The following FBXL7 variants were observed in gnomAD, a reference collection of about 807,000 sequenced individuals.
The protein encoded by FBXL7 is F-box and leucine rich repeat protein 7, also known as F-box/LRR-repeat protein 7.
Under a neutral mutation model 38.3 loss-of-function variants are expected in FBXL7, and 12 were observed. The ratio of observed to expected loss-of-function variants is 0.31; its 90% confidence interval spans 0.20 to 0.51. The LOEUF is 0.51. Ranked by LOEUF, FBXL7 falls within the 20% of genes least tolerant of loss-of-function variation. The pLI, the probability that FBXL7 is intolerant of heterozygous loss-of-function variation, is 0.98. For missense variants in FBXL7, 567 were observed against 676.4 expected (o/e 0.84, Z 1.79); for synonymous variants, 297 against 300.9 (o/e 0.99, Z 0.13).
chr5:15,674,981 T>C (rs888452201), intron 2 of FBXL7, among the ~76,000 whole-genome samples: 1 of 152,194 alleles, frequency 6.6e-6, no homozygotes, highest in Non-Finnish European at 1.5e-5. Context: ...GTTATGTGAA[T>C]GAACCTGATA....
intron 2 of FBXL7, among the ~76,000 whole-genome samples, chr5:15,829,824 T>G (rs1183417550): frequency 6.6e-6 from 1 of 152,188 alleles, no homozygotes; most frequent in African/African-American, 2.4e-5. Flanking sequence ...CATTTTGTTA[T>G]TAAAATAATA....
intron 2 of FBXL7, among the ~76,000 whole-genome samples, chr5:15,744,461 T>C (rs1735964647): frequency 6.6e-6 from 1 of 152,144 alleles, no homozygotes; most frequent in African/African-American, 2.4e-5. Flanking sequence ...CATATTACTA[T>C]CAGCATTTTG....
chr5:15,586,669 A>G (rs1739317352), intron 1 of FBXL7, among the ~76,000 whole-genome samples: 1 of 152,164 alleles, frequency 6.6e-6, no homozygotes, highest in African/African-American at 2.4e-5. Flanking sequence ...GGATAGCACC[A>G]TTACACATAT....
Position 15,928,066 on chromosome 5 carries a change from C to A in FBXL7, c.304C>A (p.Arg102=), listed in dbSNP as rs1352971111. 1.2e-6 allele frequency: 2 copies of A among 1,605,166 alleles called. No individual in the cohort carries two copies. The highest frequency in any genetic ancestry group is 8.5e-7 in the Non-Finnish European group (1 of 1,175,534). The part of the protein sequence containing the change: ...PPTRLTHPLI[R]LASRPQKEQA... ...GACCCGCCTCACACACCCGCTCATCCGGCTCGCCTCCAGACCCCAGAAGGA... is the reference window on the plus strand; with the variant it reads ...GACCCGCCTCACACACCCGCTCATCAGGCTCGCCTCCAGACCCCAGAAGGA... Residue 102 remains arginine, a synonymous_variant, in exon 3 of 4, where the codon CGG becomes AGG. Transcript: ENST00000504595. This position sits in a 1 kb window ranked among gnomAD's most constrained non-coding sequence, Gnocchi z 4.0.
chr5:15,602,602 A>G (rs998291346), intron 1 of FBXL7, among the ~76,000 whole-genome samples: 1 of 152,064 alleles, frequency 6.6e-6, no homozygotes, highest in African/African-American at 2.4e-5. Flanking sequence ...AAATATTTTT[A>G]TTACCAATGT....
chr5:15,690,486 A>C (rs1579380717), intron 2 of FBXL7, among the ~76,000 whole-genome samples: 1 of 152,224 alleles, frequency 6.6e-6, no homozygotes, highest in Non-Finnish European at 1.5e-5. Flanking sequence ...TATAATGATC[A>C]AATCAGGGAA....
At chr5:15,649,433 T>G (rs1741637059) in intron 2 of FBXL7, among the ~76,000 whole-genome samples, 1 of 152,178 alleles carries the variant, frequency 6.6e-6, no homozygotes, top group Non-Finnish European at 1.5e-5. Flanking sequence ...ACAAAGCCTA[T>G]GCATACACCT....
At chr5:15,548,904 G>A (rs755511224) in intron 1 of FBXL7, among the ~76,000 whole-genome samples, 3 of 152,144 alleles carry the variant, frequency 2.0e-5, no homozygotes, top group Non-Finnish European at 4.4e-5. Flanking sequence ...GTGTTTGGTG[G>A]GCACGGGGGT....
chr5:15,652,023 A>G (rs766868614), intron 2 of FBXL7, among the ~76,000 whole-genome samples: 3 of 152,102 alleles, frequency 2.0e-5, no homozygotes, highest in African/African-American at 7.2e-5. Flanking sequence ...CTTTCCTTAA[A>G]CTTTATGATC....
intron 2 of FBXL7, among the ~76,000 whole-genome samples, chr5:15,888,315 C>T (rs1437857084): frequency 6.6e-6 from 1 of 151,968 alleles, no homozygotes; most frequent in Non-Finnish European, 1.5e-5. Context: ...GCAACCTCTG[C>T]CTCCTGGGTT....
chr5:15,892,043 C>T (rs950405642), intron 2 of FBXL7, among the ~76,000 whole-genome samples: 2 of 152,240 alleles, frequency 1.3e-5, no homozygotes, highest in Non-Finnish European at 2.9e-5. Flanking sequence ...AGCCTCCTGC[C>T]AGTGCTCCTG....
intron 2 of FBXL7, among the ~76,000 whole-genome samples, chr5:15,749,300 A>T (rs1459068618): frequency 6.6e-6 from 1 of 150,878 alleles, no homozygotes; most frequent in Non-Finnish European, 1.5e-5. Flanking sequence ...TGTGAGTTAC[A>T]CTTAGAAGGA....
At chr5:15,680,173 G>A (rs909219129) in intron 2 of FBXL7, among the ~76,000 whole-genome samples, 1 of 152,090 alleles carries the variant, frequency 6.6e-6, no homozygotes, top group Admixed American at 6.5e-5. Flanking sequence ...GTGTTTTCAT[G>A]TACATTGAAA....
Position 15,936,468 on chromosome 5 carries a change from G to T in FBXL7, c.758G>T (p.Cys253Phe), listed in dbSNP as rs1322704425. ...LDVSGCSKVT[C>F]ISLTREASIK... is the part of the protein sequence containing the mutation. The stretch of plus-strand genomic sequence containing the variant: ...TGTGCAGGATGCTCCAAAGTGACCT[G>T]CATCAGCTTGACCCGGGAGGCCTCC... Residue 253 changes from cysteine to phenylalanine, a missense_variant, in exon 4 of 4, where the codon TGC becomes TTC. Coordinates refer to ENST00000504595, the MANE Select transcript of FBXL7 (RefSeq NM_012304.5). This position sits in a 1 kb window ranked among gnomAD's most constrained non-coding sequence, Gnocchi z 6.0. 4 of 1,612,986 alleles carry T rather than the reference G, an allele frequency of 2.5e-6. No homozygotes were observed. Among genetic ancestry groups the T allele is most frequent in the Non-Finnish European group, 2.5e-6 (3 of 1,179,858 alleles).
In FBXL7 at chr5:15,818,739, TGTGTGA is replaced by T. The variant is rs1426529113; in HGVS notation, c.128-109149_128-109144del. Among the ~76,000 whole-genome samples the T allele has an allele frequency of 2.6e-4, 28 of 108,158 alleles. No individual in the cohort carries two copies. In the East Asian group the frequency reaches 2.9e-3, roughly 11 times the overall value. 71.0% of individuals were successfully genotyped at this position (108,158 alleles called of 152,430 possible). A position where few individuals can be genotyped will look rare whatever the true frequency, so the allele number is the denominator to read the frequency against. ...GTGTGTGTGTGTGTGTGTGTGTGTG[TGTGTGA>T]GAGAGAGAGAGATTTAAAATTCCCA... On this transcript the variant is annotated intron_variant, in intron 2 of 3. Coordinates refer to ENST00000504595, the MANE Select transcript of FBXL7 (RefSeq NM_012304.5).
At chr5:15,515,124 G>A (rs1006011098) in intron 1 of FBXL7, among the ~76,000 whole-genome samples, 2 of 152,188 alleles carry the variant, frequency 1.3e-5, no homozygotes, top group Non-Finnish European at 2.9e-5. Context: ...TTTTGGCAGT[G>A]GCCATGGATG....
intron 1 of FBXL7, among the ~76,000 whole-genome samples, chr5:15,545,522 G>A (rs917363989): frequency 2.0e-5 from 3 of 148,698 alleles, no homozygotes; most frequent in Non-Finnish European, 2.9e-5. Flanking sequence ...GAATGTCACT[G>A]TGTCTTTACT....
intron 1 of FBXL7, among the ~76,000 whole-genome samples, chr5:15,562,145 G>GA: frequency 6.6e-6 from 1 of 152,196 alleles, no homozygotes; most frequent in African/African-American, 2.4e-5. Context: ...CTTAAGATGT[G>GA]AAAATGTAAC....
At chr5:15,819,274 T>A (rs1738105335) in intron 2 of FBXL7, among the ~76,000 whole-genome samples, 1 of 151,844 alleles carries the variant, frequency 6.6e-6, no homozygotes, top group Non-Finnish European at 1.5e-5. Flanking sequence ...GTAAGATAGG[T>A]GAATAATTTT....
Sources: allele counts gnomAD v4.1 joint callset (sites outside exome capture counted in the v4.1 genomes callset), GRCh38; gene constraint gnomAD v4.1.1; non-coding constraint Gnocchi (gnomAD v3.1); transcripts MANE v1.5; gene names NCBI Gene and HGNC (gene_info 2026-07-23, HGNC 2026-07-21).